Variants in KAZN observed in about 807,000 individuals in gnomAD.
The protein encoded by KAZN is kazrin.
Under a neutral mutation model 87.4 loss-of-function variants are expected in KAZN, and 40 were observed. The ratio of observed to expected loss-of-function variants is 0.46; its 90% CI spans 0.36 to 0.60. The LOEUF is 0.60. Ranked by LOEUF, KAZN falls within the 20% of genes least tolerant of loss-of-function variation. KAZN has a pLI of 0.00. For missense variants in KAZN, 898 were observed against 1,073.9 expected, an observed-to-expected ratio of 0.84 and a Z score of 2.29; for synonymous variants, 466 against 458.3, an observed-to-expected ratio of 1.02 and a Z score of -0.22.
At chr1:13,929,988 C>CAA (rs1159754598) in intron 1 of KAZN, among the ~76,000 whole-genome samples, 1 of 152,208 alleles carries the variant, frequency 6.6e-6, no homozygotes, top group Non-Finnish European at 1.5e-5. Context: ...AGAATTTGAA[C>CAA]TCAGGCAATC....
chr1:14,272,198 T>C (rs527794775), intron 2 of KAZN, among the ~76,000 whole-genome samples: 2 of 152,344 alleles, frequency 1.3e-5, no homozygotes, highest in South Asian at 2.1e-4. Flanking sequence ...GATTATCTGA[T>C]GCTGGCTGAT....
intron 1 of KAZN, among the ~76,000 whole-genome samples, chr1:13,929,034 T>C (rs1640396704): frequency 6.8e-6 from 1 of 147,264 alleles, no homozygotes; most frequent in South Asian, 2.2e-4. Context: ...CAAGGTCTAG[T>C]TCAGCTTCAA....
intron 2 of KAZN, among the ~76,000 whole-genome samples, chr1:14,538,152 T>C (rs1448038681): frequency 1.3e-5 from 2 of 152,186 alleles, no homozygotes; most frequent in African/African-American, 2.4e-5. Flanking sequence ...GAACAATATA[T>C]GGAGCAAGAA....
rs545920069 is a variant in KAZN, at chr1:13,961,795, G to A, written c.91+68039G>A. Among the ~76,000 whole-genome samples the A allele has an allele frequency of 2.0e-4, 31 of 152,268 alleles. No homozygotes were observed. The East Asian group carries it at 2.1e-3, about 10-fold the overall frequency. On this transcript the variant is annotated intron_variant, in intron 1 of 16. Transcript: ENST00000636203. ...GGAGGAATTAGCAGCCAGGATCCAC[G>A]TCTAATTCTCTTTATCCTCTGTCCC...
At chr1:14,039,355 C>G (rs1306796311) in intron 1 of KAZN, among the ~76,000 whole-genome samples, 1 of 152,172 alleles carries the variant, frequency 6.6e-6, no homozygotes, top group Non-Finnish European at 1.5e-5. Context: ...ACAGCAAGGA[C>G]CAAGTCAACC....
intron 2 of KAZN, among the ~76,000 whole-genome samples, chr1:14,495,481 G>T (rs1427834145): frequency 6.6e-6 from 1 of 152,154 alleles, no homozygotes; most frequent in Non-Finnish European, 1.5e-5. Flanking sequence ...CCCAGGCAAA[G>T]AGAAGAAATT....
At chr1:14,453,760 T>C (rs9728738) in intron 2 of KAZN, among the ~76,000 whole-genome samples, 72,537 of 151,874 alleles carry the variant, frequency 0.48, 17,768 homozygotes, top group Middle Eastern at 0.64. Context: ...CGCTTCAACC[T>C]GGGAGGTGGA....
intron 2 of KAZN, among the ~76,000 whole-genome samples, chr1:14,216,093 A>AT (rs1254087335): frequency 6.6e-6 from 1 of 152,214 alleles, no homozygotes; most frequent in African/African-American, 2.4e-5. Context: ...CATGAATGTC[A>AT]TTAACAAATT....
At chr1:14,026,615 G>C (rs967872082) in intron 1 of KAZN, among the ~76,000 whole-genome samples, 1 of 152,198 alleles carries the variant, frequency 6.6e-6, no homozygotes, top group African/African-American at 2.4e-5. Flanking sequence ...CAATGGTGTA[G>C]AGCAGCAACT....
rs1400929846 is a variant in KAZN, at chr1:14,883,141, C to CA, written c.227-77539dup. Among the ~76,000 whole-genome samples, 3 of 151,516 alleles carry CA rather than the reference C, an allele frequency of 2.0e-5. No individual in the cohort carries two copies. In the East Asian group the frequency reaches 5.9e-4, roughly 30 times the overall value. On this transcript the variant is annotated intron_variant, in intron 1 of 14. Coordinates refer to ENST00000376030, the MANE Select transcript of KAZN (RefSeq NM_201628.3). Reference sequence around the variant, plus strand: ...AGAAACCCCATCTCTACTAAAAATACAAAATTAGCTGGGCGTGATGGCACA... The same window carrying CA: ...AGAAACCCCATCTCTACTAAAAATACAAAAATTAGCTGGGCGTGATGGCACA...
intron 2 of KAZN, among the ~76,000 whole-genome samples, chr1:14,416,972 GTATATATGTGTA>G (rs887040167): frequency 5.0e-5 from 7 of 139,592 alleles, no homozygotes; most frequent in Middle Eastern, 3.6e-3. Flanking sequence ...GTATACATAT[GTATATATGTGTA>G]TATATATGTG....
chr1:15,104,206 A>T lies in KAZN; in HGVS notation c.2048+17A>T. 1.9e-6 allele frequency: 3 copies of T among 1,558,974 alleles called. No homozygotes were observed. The highest frequency in any genetic ancestry group is 2.6e-6 in the Non-Finnish European group (3 of 1,151,502). ...CCCAGCCAAGTGAGCACGGGCTGGG[A>T]TCCAGTCATGTGGGCTGCTGGGTAC... On this transcript the variant is annotated intron_variant, in intron 13 of 14. Transcript: ENST00000376030.
chr1:14,366,546 TTCAC>T (rs1206291881), intron 2 of KAZN, among the ~76,000 whole-genome samples: 1 of 152,222 alleles, frequency 6.6e-6, no homozygotes, highest in African/African-American at 2.4e-5. Flanking sequence ...GCAGACTCCA[TTCAC>T]TCAAACTTGC....
At chr1:13,951,901 T>TG (rs1377377118) in intron 1 of KAZN, among the ~76,000 whole-genome samples, 1 of 152,134 alleles carries the variant, frequency 6.6e-6, no homozygotes, top group Non-Finnish European at 1.5e-5. Flanking sequence ...GCTGTTGCCT[T>TG]GGTGGTTATC....
At chr1:14,288,981 C>T (rs1173974064) in intron 2 of KAZN, among the ~76,000 whole-genome samples, 1 of 152,068 alleles carries the variant, frequency 6.6e-6, no homozygotes, top group Non-Finnish European at 1.5e-5. Context: ...TTTCCATGTA[C>T]ATGTGTGGTT....
At chr1:14,298,893 C>T (rs1654324664) in intron 2 of KAZN, among the ~76,000 whole-genome samples, 4 of 152,236 alleles carry the variant, frequency 2.6e-5, no homozygotes, top group Non-Finnish European at 5.9e-5. Context: ...TACACTCTCA[C>T]TGGCACTCCA....
At chr1:14,521,633 C>T (rs566448598) in intron 2 of KAZN, among the ~76,000 whole-genome samples, 2 of 152,346 alleles carry the variant, frequency 1.3e-5, no homozygotes, top group East Asian at 1.9e-4. Flanking sequence ...AAGCAACTGG[C>T]TTTGAACTGA....
chr1:14,598,327 C>A (rs1334322476), upstream of KAZN, among the ~76,000 whole-genome samples: 1 of 152,190 alleles, frequency 6.6e-6, no homozygotes, highest in Non-Finnish European at 1.5e-5. This position sits in a 1 kb window ranked among gnomAD's most constrained non-coding sequence, Gnocchi z 4.2. Context: ...CCATGGAGAT[C>A]CACCCCGGCT....
At chr1:14,557,308 T>A (rs1673943868) in intron 2 of KAZN, among the ~76,000 whole-genome samples, 1 of 152,184 alleles carries the variant, frequency 6.6e-6, no homozygotes, top group Non-Finnish European at 1.5e-5. Context: ...ATCAAAGTTA[T>A]TTTTAAAAGA....
Sources: allele counts gnomAD v4.1 joint callset (sites outside exome capture counted in the v4.1 genomes callset), GRCh38; gene constraint gnomAD v4.1.1; non-coding constraint Gnocchi (gnomAD v3.1); transcripts MANE v1.5; gene names NCBI Gene and HGNC (gene_info 2026-07-23, HGNC 2026-07-21).